The following MMP8 variants were observed in gnomAD, a reference collection of about 807,000 sequenced individuals.
MMP8 encodes matrix metallopeptidase 8, also known as neutrophil collagenase.
A neutral mutation model predicts 51.2 loss-of-function variants in MMP8; 67 were observed. The ratio of observed to expected loss-of-function variants is 1.31; its 90% CI spans 1.08 to 1.60. The LOEUF is 1.60. Ranked by LOEUF, MMP8 falls within the 40% of genes most tolerant of loss-of-function variation. The pLI, the probability that MMP8 is intolerant of heterozygous loss-of-function variation, is 0.00. For synonymous variants in MMP8, 225 were observed against 191.0 expected (o/e 1.18, Z -1.47); for missense variants, 654 against 558.1 (o/e 1.17, Z -1.73).
At position 102,724,826 on chromosome 11, in the gene MMP8, C is replaced by A. The variant is rs1861573712; in HGVS notation, c.30G>T (p.Leu10=). 6.2e-7 allele frequency: 1 copy of A among 1,609,970 alleles called. No homozygotes were observed. Among genetic ancestry groups the A allele is most frequent in the South Asian group, 1.1e-5 (1 of 90,224 alleles). The change falls in exon 1 of 10, where the codon CTG becomes CTT. Residue 10 remains leucine (L), a synonymous_variant. Transcript: ENST00000236826. MFSLKTLPF[L]LLLHVQISKA... ...TGGAAATCTGCACATGGAGTAAGAG[C>A]AGAAATGGAAGCGTCTTCAGGGAGA...
At chr11:102,716,490 A>G (rs566409553) in intron 5 of MMP8, 71 bp from the exon 6 acceptor site, 7 of 931,386 alleles carry the variant, frequency 7.5e-6, no homozygotes, top group Non-Finnish European at 1.1e-5. Context: ...TCTTGGGTAC[A>G]TCAGAGACTT....
At chr11:102,721,853 A>C in intron 2 of MMP8, 91 bp from the exon 3 acceptor site, 2 of 1,445,874 alleles carry the variant, frequency 1.4e-6, no homozygotes, top group Non-Finnish European at 1.9e-6. Flanking sequence ...AGTGAGTTGC[A>C]TCATGGTGTG....
At position 102,718,290 on chromosome 11, in the gene MMP8, G is replaced by A. The variant is rs34163531; in HGVS notation, c.784+124C>T. The A allele has an allele frequency of 3.4e-3, 3,509 of 1,021,384 alleles. 89 individuals are homozygous for A. In the African/African-American group the frequency reaches 0.049, roughly 14 times the overall value. The allele number at this position is 1,021,384 out of a possible 1,614,324, so 63.3% of individuals were successfully genotyped here. A position where few individuals can be genotyped will look rare whatever the true frequency, so the allele number is the denominator to read the frequency against. ...TTCTTTGTTAATGCTTTATTACTGG[G>A]GAAATTCAGAGTTCAGTTTTATGGA... On this transcript the variant is annotated intron_variant, in intron 5 of 9. Coordinates refer to ENST00000236826, the MANE Select transcript of MMP8 (RefSeq NM_002424.3).
At chr11:102,720,636 A>G (rs1861441465) in intron 4 of MMP8, among the ~76,000 whole-genome samples, 2 of 152,186 alleles carry the variant, frequency 1.3e-5, no homozygotes, top group Admixed American at 1.3e-4. Context: ...ACCTGTCCTC[A>G]GCCTCATTTC....
Position 102,721,683 on chromosome 11 carries a change from C to A in MMP8, c.427G>T (p.Ala143Ser), listed in dbSNP as rs748412885. Reference protein sequence around the residue: ...IKDAFELWSVASPLIFTRISQ... With the variant: ...IKDAFELWSVSSPLIFTRISQ... ...ATCCTGGTGAAGATGAGAGGTGATG[C>A]AACACTCCAGAGTTCAAAGGCATCC... The change falls in exon 3 of 10, where the codon GCA becomes TCA. Residue 143 changes from alanine to serine, a missense_variant. Ala to Ser is a moderately conservative substitution (Grantham distance 99, BLOSUM62 1). Coordinates refer to ENST00000236826, the MANE Select transcript of MMP8 (RefSeq NM_002424.3). 47 of 1,613,874 alleles carry A rather than the reference C, an allele frequency of 2.9e-5. 3 individuals carry two copies. In the South Asian group the frequency reaches 5.1e-4, roughly 17 times the overall value.
In MMP8 at chr11:102,714,641, C is replaced by CATAGTTTGAT; in HGVS notation, c.1095_1104dup (p.Gly369IlefsTer13). On this transcript the variant is annotated frameshift_variant, in exon 8 of 10. Coordinates refer to ENST00000236826, the MANE Select transcript of MMP8 (RefSeq NM_002424.3). LOFTEE classifies it high-confidence loss of function. ...ATTGCTTGGACGCTGCTGGGGAAGC[C>CATAGTTTGAT]ATAGTTTGATATATCCTTGGGATAA... is the stretch of plus-strand genomic sequence containing the variant. 6.4e-7 allele frequency: 1 copy of CATAGTTTGAT among 1,555,200 alleles called. No homozygotes were observed. Among genetic ancestry groups the CATAGTTTGAT allele is most frequent in the Non-Finnish European group, 8.7e-7 (1 of 1,153,764 alleles).
At chr11:102,714,521 T>C in intron 8 of MMP8, 35 bp downstream of exon 8, 2 of 1,368,512 alleles carry the variant, frequency 1.5e-6, no homozygotes, top group Non-Finnish European at 1.9e-6. Flanking sequence ...GAAACACAGA[T>C]TTCAACCTAT....
chr11:102,723,783 A>G, intron 1 of MMP8: 2 of 260,320 alleles, frequency 7.7e-6, no homozygotes, highest in Non-Finnish European at 7.9e-6. Flanking sequence ...CTAAATCTTT[A>G]ACACATAAAT....
At chr11:102,723,593 G>T in intron 1 of MMP8, 1 of 436,386 alleles carries the variant, frequency 2.3e-6, no homozygotes, top group Non-Finnish European at 4.6e-6. Context: ...AAGCATGTGT[G>T]AAAAGGGGCA....
At position 102,721,717 on chromosome 11, in the gene MMP8, T is replaced by C; in HGVS notation, c.393A>G (p.Arg131=). ...TPQLSEAEVE[R]AIKDAFELWS... is the part of the protein sequence containing the mutation. ...AGAGTTCAAAGGCATCCTTGATAGC[T>C]CTTTCTACCTCAGCCTCTGACAGCT... The change falls in exon 3 of 10, where the codon AGA becomes AGG. Residue 131 remains arginine (R), a synonymous_variant. Transcript: ENST00000236826. The C allele has an allele frequency of 6.2e-7, 1 of 1,613,742 alleles. No individual in the cohort carries two copies. The highest frequency in any genetic ancestry group is 2.2e-5 in the East Asian group (1 of 44,862).
At chr11:102,719,937 T>A (rs1861419185) in intron 4 of MMP8, among the ~76,000 whole-genome samples, 1 of 152,176 alleles carries the variant, frequency 6.6e-6, no homozygotes. Context: ...GAAGGTGGCC[T>A]TTGACATACA....
At chr11:102,720,622 G>A (rs1591680006) in intron 4 of MMP8, among the ~76,000 whole-genome samples, 1 of 152,230 alleles carries the variant, frequency 6.6e-6, no homozygotes, top group East Asian at 1.9e-4. Flanking sequence ...CATGGTCTGG[G>A]TATACCTGTC....
rs191266872 is a variant in MMP8, at chr11:102,715,301, T to G, written c.1036+3A>C. The G allele has an allele frequency of 7.7e-5, 124 of 1,607,388 alleles. No individual in the cohort carries two copies. The African/African-American group carries it at 1.3e-3, about 17-fold the overall frequency. On this transcript the variant is annotated splice_donor_region_variant and intron_variant, in intron 7 of 9. Transcript: ENST00000236826. Reference sequence around the variant, plus strand: ...ACATAAGATGAAAACTTTAGGAAGTTACCTTTAAATAGGAAAATGAGGTCT... The same window carrying G: ...ACATAAGATGAAAACTTTAGGAAGTGACCTTTAAATAGGAAAATGAGGTCT...
At chr11:102,723,750 A>C in intron 1 of MMP8, 2 of 280,360 alleles carry the variant, frequency 7.1e-6, no homozygotes, top group South Asian at 6.6e-5. Flanking sequence ...TACTTCTTAA[A>C]GGACCCACTG....
rs1861501476 is a variant in MMP8, at chr11:102,722,474, A to G, written c.302T>C (p.Leu101Ser). 1.2e-6 allele frequency: 2 copies of G among 1,613,874 alleles called. No homozygotes were observed. Among genetic ancestry groups the G allele is most frequent in the African/African-American group, 1.3e-5 (1 of 75,016 alleles). ...CGVPDSGGFM[L>S]TPGNPKWERT... The stretch of plus-strand genomic sequence containing the variant: ...TTCCCACTTGGGGTTTCCTGGGGTT[A>G]ACATAAAACCACCACTGTCAGGCAC... Residue 101 changes from leucine to serine, a missense_variant, in exon 2 of 10, where the codon TTA becomes TCA. Physicochemically the swap from Leu to Ser is moderately radical, Grantham distance 145 (BLOSUM62 -2). Transcript: ENST00000236826.
At chr11:102,717,962 C>A (rs1861348043) in intron 5 of MMP8, among the ~76,000 whole-genome samples, 1 of 152,014 alleles carries the variant, frequency 6.6e-6, no homozygotes, top group Non-Finnish European at 1.5e-5. Context: ...CAAAAATTAG[C>A]CAAGTGTGGT....
At position 102,721,705 on chromosome 11, in the gene MMP8, A is replaced by C; in HGVS notation, c.405T>G (p.Asp135Glu). 1.2e-6 allele frequency: 2 copies of C among 1,613,836 alleles called. No homozygotes were observed. Among genetic ancestry groups the C allele is most frequent in the South Asian group, 1.1e-5 (1 of 91,070 alleles). The change falls in exon 3 of 10, where the codon GAT (aspartate) becomes GAG (glutamate). Residue 135 changes from aspartate to glutamate, a missense_variant. By Grantham distance (45) the Asp-to-Glu change is conservative (BLOSUM62 2). Coordinates refer to ENST00000236826, the MANE Select transcript of MMP8 (RefSeq NM_002424.3). ...ATGCAACACTCCAGAGTTCAAAGGC[A>C]TCCTTGATAGCTCTTTCTACCTCAG... ...SEAEVERAIK[D>E]AFELWSVASP...
intron 1 of MMP8, chr11:102,722,921 C>T: frequency 8.8e-7 from 1 of 1,141,574 alleles, no homozygotes. Context: ...AGGATCACAT[C>T]ACACAGGCAA....
In MMP8 at chr11:102,718,422, G is replaced by T; in HGVS notation, c.776C>A (p.Ala259Asp). Residue 259 changes from alanine to aspartate, a missense_variant, in exon 5 of 10, where the codon GCC becomes GAC. Transcript: ENST00000236826. The part of the protein sequence containing the change: ...LPQDDIDGIQ[A>D]IYGLSSNPIQ... ...TCTTGAGAAGACCTTACCATAGATG[G>T]CCTGAATGCCATCGATGTCATCTTG... 1 of 1,610,986 alleles carries T rather than the reference G, an allele frequency of 6.2e-7. No individual in the cohort carries two copies. Among genetic ancestry groups the T allele is most frequent in the Non-Finnish European group, 8.5e-7 (1 of 1,178,496 alleles).
Sources: allele counts gnomAD v4.1 joint callset (sites outside exome capture counted in the v4.1 genomes callset), GRCh38; gene constraint gnomAD v4.1.1; transcripts MANE v1.5; gene names NCBI Gene and HGNC (gene_info 2026-07-23, HGNC 2026-07-21).